Variants in RALGPS2 observed in about 807,000 individuals in gnomAD.
RALGPS2 encodes ras-specific guanine nucleotide-releasing factor RalGPS2.
In RALGPS2, 43 loss-of-function variants were observed where a neutral mutation model predicts 86.8. The observed-to-expected ratio is 0.50, with a 90% CI of 0.39 to 0.64. RALGPS2 has a LOEUF of 0.64. RALGPS2 is among the 30% of genes least tolerant of loss of function. The probability of loss-of-function intolerance (pLI) is 0.00; values close to 1 mark genes in which losing one functional copy is unlikely to be tolerated. For synonymous variants in RALGPS2, 243 were observed against 231.3 expected (o/e 1.05, Z -0.46); for missense variants, 536 against 694.6 (o/e 0.77, Z 2.57).
chr1:178,802,420 T>G (rs1654523708), intron 4 of RALGPS2, among the ~76,000 whole-genome samples: 1 of 152,168 alleles, frequency 6.6e-6, no homozygotes, highest in Non-Finnish European at 1.5e-5. Flanking sequence ...GCATCTCTAG[T>G]GGTGCTTCTT....
chr1:178,850,593 A>G (rs548714686), intron 8 of RALGPS2: 14 of 152,356 alleles, frequency 9.2e-5, no homozygotes, highest in African/African-American at 3.1e-4. Context: ...TTAAGAATTC[A>G]GATTTAATCA....
chr1:178,909,743 G>A (rs965037207), intron 19 of RALGPS2, among the ~76,000 whole-genome samples: 3 of 144,884 alleles, frequency 2.1e-5, no homozygotes, highest in Admixed American at 1.5e-4. Context: ...TCCACCTCCC[G>A]GGTTCAAGCG....
chr1:178,749,905 G>C (rs963033917), intron 1 of RALGPS2, among the ~76,000 whole-genome samples: 9 of 152,040 alleles, frequency 5.9e-5, no homozygotes, highest in Non-Finnish European at 1.2e-4. Context: ...GACCAGCCTG[G>C]GCAGTGTGGC....
At chr1:178,804,069 CTTT>C (rs35448018) in intron 4 of RALGPS2, among the ~76,000 whole-genome samples, 3 of 142,760 alleles carry the variant, frequency 2.1e-5, no homozygotes, top group Non-Finnish European at 3.1e-5. Flanking sequence ...CAATCTATTC[CTTT>C]TTTTTTTTTT....
chr1:178,824,764 G>C (rs1222399717), intron 7 of RALGPS2, among the ~76,000 whole-genome samples: 1 of 151,930 alleles, frequency 6.6e-6, no homozygotes, highest in African/African-American at 2.4e-5. Flanking sequence ...AGCCGAGATC[G>C]CGCTACTGCA....
intron 7 of RALGPS2, among the ~76,000 whole-genome samples, chr1:178,825,601 T>C (rs1181016651): frequency 2.0e-5 from 3 of 152,126 alleles, no homozygotes; most frequent in Non-Finnish European, 2.9e-5. Flanking sequence ...CTTCAAGATA[T>C]AGGGGGAAAA....
chr1:178,790,828 T>C (rs1393455953), intron 4 of RALGPS2, among the ~76,000 whole-genome samples: 1 of 152,222 alleles, frequency 6.6e-6, no homozygotes, highest in Non-Finnish European at 1.5e-5. Flanking sequence ...GTTTAACCTA[T>C]GATGGCAGCC....
Position 178,878,886 on chromosome 1 carries a change from A to T in RALGPS2, c.746-16A>T. Reference sequence around the variant, plus strand: ...GATGTACTTTATCAGATAATTATTTATCACCTTTTGCCTAGATATTCCCAT... The same window carrying T: ...GATGTACTTTATCAGATAATTATTTTTCACCTTTTGCCTAGATATTCCCAT... On this transcript the variant is annotated splice_polypyrimidine_tract_variant and intron_variant, in intron 9 of 19. Coordinates refer to ENST00000367635, the MANE Select transcript of RALGPS2 (RefSeq NM_152663.5). 1 of 1,610,780 alleles carries T rather than the reference A, an allele frequency of 6.2e-7. No homozygotes were observed. Among genetic ancestry groups the T allele is most frequent in the Non-Finnish European group, 8.5e-7 (1 of 1,178,834 alleles).
intron 19 of RALGPS2, 100 bp from the exon 20 acceptor site, chr1:178,916,230 A>G: frequency 1.1e-6 from 1 of 910,072 alleles, no homozygotes; most frequent in South Asian, 1.6e-5. Flanking sequence ...AAAGATACTT[A>G]AGTAGAAAGA....
chr1:178,861,869 G>GT (rs1451591448), intron 8 of RALGPS2, among the ~76,000 whole-genome samples: 3 of 152,020 alleles, frequency 2.0e-5, no homozygotes, highest in African/African-American at 7.3e-5. Context: ...AGGTTTGTTT[G>GT]TTGTTGTTGT....
intron 1 of RALGPS2, among the ~76,000 whole-genome samples, chr1:178,757,949 C>T (rs776132282): frequency 5.9e-5 from 9 of 151,942 alleles, no homozygotes; most frequent in Non-Finnish European, 8.8e-5. Flanking sequence ...TATTTTATTA[C>T]TTATTCAGTT....
intron 8 of RALGPS2, among the ~76,000 whole-genome samples, chr1:178,861,284 A>C (rs1657992652): frequency 6.6e-6 from 1 of 152,248 alleles, no homozygotes; most frequent in Non-Finnish European, 1.5e-5. Flanking sequence ...TGTTTACATA[A>C]AACAAATAAT....
intron 1 of RALGPS2, among the ~76,000 whole-genome samples, chr1:178,776,358 GTGTTTT>G (rs1187401101): frequency 1.6e-4 from 25 of 152,156 alleles, no homozygotes; most frequent in Admixed American, 1.6e-3. Flanking sequence ...TTTGCCACCT[GTGTTTT>G]TACACATTTT....
At chr1:178,907,843 A>T (rs1429152635) in intron 19 of RALGPS2, among the ~76,000 whole-genome samples, 3 of 152,178 alleles carry the variant, frequency 2.0e-5, no homozygotes, top group Non-Finnish European at 4.4e-5. Flanking sequence ...GATAATTGAA[A>T]CTAAGGCTCC....
intron 5 of RALGPS2, 137 bp from the exon 6 acceptor site, chr1:178,811,178 A>G (rs1654958141): frequency 1.9e-6 from 1 of 537,988 alleles, no homozygotes; most frequent in Non-Finnish European, 3.2e-6. Flanking sequence ...AGCCACAGAA[A>G]AACCTGCTAT....
chr1:178,842,810 AAAAC>A (rs1328343323), intron 8 of RALGPS2, among the ~76,000 whole-genome samples: 67 of 148,832 alleles, frequency 4.5e-4, no homozygotes, highest in Middle Eastern at 7.1e-3. Flanking sequence ...TTACAAGAAA[AAAAC>A]AAACAACCCC....
rs186581210 is a variant in RALGPS2 at position 178,822,987 on chromosome 1, T to A, written c.480+1283T>A. 4.3e-4 allele frequency among the ~76,000 whole-genome samples: 65 copies of A among 152,236 alleles called. 1 individual carries two copies. Among genetic ancestry groups the A allele is most frequent in the Non-Finnish European group, 1.2e-4 (8 of 68,012 alleles). On this transcript the variant is annotated intron_variant, in intron 7 of 19. Coordinates refer to ENST00000367635, the MANE Select transcript of RALGPS2 (RefSeq NM_152663.5). ...GCACATGCCACCATGCCCAACTAAT[T>A]TTTTAAAAAGTTTTTATAGTGATGG...
At chr1:178,862,611 T>G (rs1306878174) in intron 8 of RALGPS2, among the ~76,000 whole-genome samples, 2 of 150,928 alleles carry the variant, frequency 1.3e-5, no homozygotes, top group African/African-American at 2.5e-5. Flanking sequence ...ATTTATTTAT[T>G]TATTTATTTA....
At position 178,732,445 on chromosome 1, in the gene RALGPS2, C is replaced by G. The variant is rs113887813; in HGVS notation, c.-84+7026C>G. 8.4e-3 allele frequency among the ~76,000 whole-genome samples: 1,282 copies of G among 152,162 alleles called. 10 individuals carry two copies. Among genetic ancestry groups the G allele is most frequent in the Non-Finnish European group, 0.014 (939 of 67,996 alleles). ...TCCCAAGTAGCTGGGACTACAGTTG[C>G]GTGCCACCACATCCGGCTAATTTTT... On this transcript the variant is annotated intron_variant, in intron 1 of 19. Coordinates refer to ENST00000367635, the MANE Select transcript of RALGPS2 (RefSeq NM_152663.5).
Sources: allele counts gnomAD v4.1 joint callset (sites outside exome capture counted in the v4.1 genomes callset), GRCh38; gene constraint gnomAD v4.1.1; transcripts MANE v1.5; gene names NCBI Gene and HGNC (gene_info 2026-07-23, HGNC 2026-07-21).